VPS33A: variants seen among roughly 807,000 people sequenced by gnomAD.
VPS33A encodes vacuolar protein sorting-associated protein 33A.
VPS33A carries 32 observed loss-of-function variants against 71.8 expected under a neutral mutation model. That is an observed-to-expected ratio of 0.45 (90% confidence interval 0.34 to 0.60). VPS33A has a LOEUF of 0.60. Ranked by LOEUF, VPS33A falls within the 20% of genes least tolerant of loss-of-function variation. The probability of loss-of-function intolerance (pLI) is 0.02; values close to 1 mark genes in which losing one functional copy is unlikely to be tolerated. For missense variants in VPS33A, 625 were observed against 748.5 expected (o/e 0.84, Z 1.92); for synonymous variants, 311 against 292.7 (o/e 1.06, Z -0.64).
intron 4 of VPS33A, among the ~76,000 whole-genome samples, chr12:122,257,534 G>A (rs535738288): frequency 3.3e-5 from 5 of 151,844 alleles, no homozygotes; most frequent in South Asian, 4.2e-4. Flanking sequence ...TTAGCTGGGC[G>A]TGGTGGTGTG....
In VPS33A at chr12:122,236,069, G is replaced by A. The variant is rs907126612; in HGVS notation, c.1303-146C>T. On this transcript the variant is annotated intron_variant, in intron 10 of 12. Coordinates refer to ENST00000267199, the MANE Select transcript of VPS33A (RefSeq NM_022916.6). ...AGCAATGTTAGTGGATGGGCACAGA[G>A]GACAGGGTGGAGGGATGAAACTTGT... 55 of 955,680 alleles carry A rather than the reference G, an allele frequency of 5.8e-5. 2 individuals carry two copies. Among genetic ancestry groups the A allele is most frequent in the Non-Finnish European group, 3.0e-6 (2 of 660,280 alleles). 59.2% of individuals were successfully genotyped at this position (955,680 alleles called of 1,614,324 possible). A position where few individuals can be genotyped will look rare whatever the true frequency, so the allele number is the denominator to read the frequency against.
rs1954819439 is a variant in VPS33A at position 122,249,733 on chromosome 12, T to A, written c.775+138A>T. ...TAAATTGCTTACAAAAAGGTCTGTATTAATCTACACTCTGAATCATTAAAA... is the reference window on the plus strand; with the variant it reads ...TAAATTGCTTACAAAAAGGTCTGTAATAATCTACACTCTGAATCATTAAAA... On this transcript the variant is annotated intron_variant, in intron 6 of 12. Coordinates refer to ENST00000267199, the MANE Select transcript of VPS33A (RefSeq NM_022916.6). The A allele has an allele frequency of 3.4e-6, 3 of 886,296 alleles. No homozygotes were observed. In the East Asian group the frequency reaches 8.4e-5, roughly 25 times the overall value. 54.9% of individuals were successfully genotyped at this position (886,296 alleles called of 1,614,324 possible). A position where few individuals can be genotyped will look rare whatever the true frequency, so the allele number is the denominator to read the frequency against.
chr12:122,252,695 T>C (rs1287050625), intron 4 of VPS33A, among the ~76,000 whole-genome samples: 3 of 152,238 alleles, frequency 2.0e-5, no homozygotes, highest in Non-Finnish European at 4.4e-5. Flanking sequence ...TGCCTTGTTC[T>C]GAATCCAACT....
Position 122,266,463 on chromosome 12 carries a change from G to C in VPS33A, c.-55C>G. 2 of 1,577,484 alleles carry C rather than the reference G, an allele frequency of 1.3e-6. No individual in the cohort carries two copies. The highest frequency in any genetic ancestry group is 1.7e-6 in the Non-Finnish European group (2 of 1,155,528). ...CCAACCGAGTCCGCCGGTTCCTACG[G>C]GAGGACCACGGACGCAGTCACGTGA... is the stretch of plus-strand genomic sequence containing the variant. On this transcript the variant is annotated 5_prime_UTR_variant, in exon 1 of 13. Transcript: ENST00000267199.
intron 4 of VPS33A, among the ~76,000 whole-genome samples, chr12:122,256,187 C>T (rs1391710581): frequency 1.3e-5 from 2 of 151,978 alleles, no homozygotes; most frequent in Non-Finnish European, 2.9e-5. Context: ...TCTGTAACAA[C>T]ACAATGGGGA....
intron 4 of VPS33A, among the ~76,000 whole-genome samples, chr12:122,259,648 A>ACT (rs1383321479): frequency 6.6e-6 from 1 of 152,136 alleles, no homozygotes; most frequent in Non-Finnish European, 1.5e-5. Context: ...GATGAATGAT[A>ACT]ATATCATTAC....
In VPS33A at chr12:122,261,402, CACAA is replaced by C; in HGVS notation, c.338_341del (p.Phe113CysfsTer12). The C allele has an allele frequency of 1.2e-6, 2 of 1,613,782 alleles. No homozygotes were observed. The highest frequency in any genetic ancestry group is 1.7e-6 in the Non-Finnish European group (2 of 1,179,932). ...GTTCGCACAACAGGCTACGGCGTGG[CACAA>C]ACAGAATATGAAAATCTCTCGTTGG... On this transcript the variant is annotated frameshift_variant, in exon 4 of 13. Coordinates refer to ENST00000267199, the MANE Select transcript of VPS33A (RefSeq NM_022916.6). LOFTEE classifies it high-confidence loss of function.
In VPS33A at chr12:122,238,659, A is replaced by G; in HGVS notation, c.1230T>C (p.Val410=). Residue 410 remains valine (V), a synonymous_variant, in exon 10 of 13, where the codon GTT becomes GTC. Coordinates refer to ENST00000267199, the MANE Select transcript of VPS33A (RefSeq NM_022916.6). ...KHSLIKVLRL[V]CLQSVCNSGL... ...CACTATTACACACGGATTGGAGGCA[A>G]ACTAGTCTTAACACCTTGATCAACG... 1 of 1,614,004 alleles carries G rather than the reference A, an allele frequency of 6.2e-7. No homozygotes were observed. The highest frequency in any genetic ancestry group is 8.5e-7 in the Non-Finnish European group (1 of 1,179,998).
intron 6 of VPS33A, among the ~76,000 whole-genome samples, chr12:122,245,930 C>T (rs1472093946): frequency 6.6e-6 from 1 of 152,190 alleles, no homozygotes; most frequent in Non-Finnish European, 1.5e-5. Flanking sequence ...AAGCTGTACA[C>T]CCTGATCTAG....
intron 8 of VPS33A, among the ~76,000 whole-genome samples, chr12:122,241,737 C>T (rs1246578485): frequency 6.6e-6 from 1 of 151,476 alleles, no homozygotes; most frequent in Non-Finnish European, 1.5e-5. Context: ...TAACTACAGG[C>T]ATGTGCCACC....
chr12:122,255,939 A>G lies in VPS33A; in HGVS notation c.484-4840T>C, dbSNP rs1395105971. Among the ~76,000 whole-genome samples, 119 of 151,708 alleles carry G rather than the reference A, an allele frequency of 7.8e-4. 1 individual carries two copies. Among genetic ancestry groups the G allele is most frequent in the African/African-American group, 2.7e-3 (113 of 41,136 alleles). On this transcript the variant is annotated intron_variant, in intron 4 of 12. Transcript: ENST00000267199. ...CTGCCTCAGCCTCCTGAGTTACTGG[A>G]ATGACAGGTGCACATCACCACGTGT...
chr12:122,265,386 T>G (rs1337298988), intron 1 of VPS33A, among the ~76,000 whole-genome samples: 1 of 151,984 alleles, frequency 6.6e-6, no homozygotes, highest in Non-Finnish European at 1.5e-5. Flanking sequence ...ACCGCTAAAC[T>G]CCAGTATCAT....
chr12:122,247,786 C>G (rs1023899292), intron 6 of VPS33A, among the ~76,000 whole-genome samples: 1 of 152,060 alleles, frequency 6.6e-6, no homozygotes, highest in African/African-American at 2.4e-5. Context: ...GTGGTGACTC[C>G]CCATCCCCTT....
At chr12:122,257,269 A>T (rs1365426210) in intron 4 of VPS33A, among the ~76,000 whole-genome samples, 1 of 151,822 alleles carries the variant, frequency 6.6e-6, no homozygotes, top group Non-Finnish European at 1.5e-5. Context: ...TCTACTAAAA[A>T]TACAAAAATT....
At chr12:122,255,321 A>G (rs756741530) in intron 4 of VPS33A, among the ~76,000 whole-genome samples, 9 of 152,226 alleles carry the variant, frequency 5.9e-5, no homozygotes, top group Non-Finnish European at 1.3e-4. Flanking sequence ...TTTTTGGTAT[A>G]TTGAAATTTT....
intron 9 of VPS33A, among the ~76,000 whole-genome samples, chr12:122,239,523 C>G (rs1388417916): frequency 6.6e-6 from 1 of 151,922 alleles, no homozygotes; most frequent in Non-Finnish European, 1.5e-5. Flanking sequence ...ATCACAAGGT[C>G]GGAGATCGAG....
intron 5 of VPS33A, 38 bp downstream of exon 5, chr12:122,250,945 G>T: frequency 6.7e-7 from 1 of 1,500,310 alleles, no homozygotes; most frequent in Non-Finnish European, 9.2e-7. Flanking sequence ...GGGGTGTGAA[G>T]GGCCCTCCTT....
At position 122,238,776 on chromosome 12, in the gene VPS33A, C is replaced by T. The variant is rs201530278; in HGVS notation, c.1165-52G>A. On this transcript the variant is annotated intron_variant, in intron 9 of 12. Coordinates refer to ENST00000267199, the MANE Select transcript of VPS33A (RefSeq NM_022916.6). ...ATATACATTTACATATACATACACA[C>T]ACACACACACACACACACACACACA... 40 of 548,312 alleles carry T rather than the reference C, an allele frequency of 7.3e-5. No homozygotes were observed. The East Asian group carries it at 1.1e-3, about 15-fold the overall frequency. The allele number at this position is 548,312 out of a possible 1,614,324, so 34.0% of individuals were successfully genotyped here.
chr12:122,244,191 A>G (rs112258632), intron 7 of VPS33A, among the ~76,000 whole-genome samples: 1 of 152,168 alleles, frequency 6.6e-6, no homozygotes, highest in Non-Finnish European at 1.5e-5. Flanking sequence ...ACACTGGCTA[A>G]ACTTGAGTTT....
Sources: allele counts gnomAD v4.1 joint callset (sites outside exome capture counted in the v4.1 genomes callset), GRCh38; gene constraint gnomAD v4.1.1; transcripts MANE v1.5; gene names NCBI Gene and HGNC (gene_info 2026-07-23, HGNC 2026-07-21).